Variants in PINX1 observed in about 807,000 individuals in gnomAD.
PINX1 encodes the protein PIN2 (TERF1) interacting telomerase inhibitor 1.
Under a neutral mutation model 25.4 loss-of-function variants are expected in PINX1, and 34 were observed. That is an observed-to-expected ratio of 1.34 (90% CI 1.02 to 1.78). The LOEUF is 1.78. Ranked by LOEUF, PINX1 falls within the 40% of genes most tolerant of loss-of-function variation. The pLI, the probability that PINX1 is intolerant of heterozygous loss-of-function variation, is 0.00. For missense variants in PINX1, 592 were observed against 404.9 expected, an observed-to-expected ratio of 1.46 and a Z score of -3.97; for synonymous variants, 197 against 147.7, an observed-to-expected ratio of 1.33 and a Z score of -2.42.
chr8:10,826,545 A>G (rs533833725), intron 4 of PINX1, among the ~76,000 whole-genome samples: 2 of 152,352 alleles, frequency 1.3e-5, no homozygotes, highest in African/African-American at 4.8e-5. Flanking sequence ...CCTAGACACA[A>G]ATGTTCACAT....
chr8:10,807,645 T>C (rs1360622731), intron 6 of PINX1, among the ~76,000 whole-genome samples: 1 of 152,080 alleles, frequency 6.6e-6, no homozygotes, highest in Admixed American at 6.5e-5. Flanking sequence ...AAATAAGAAC[T>C]GCAACAATGG....
intron 6 of PINX1, among the ~76,000 whole-genome samples, chr8:10,794,836 A>C (rs1253249303): frequency 2.6e-5 from 4 of 152,218 alleles, no homozygotes; most frequent in African/African-American, 7.2e-5. Context: ...TTTTGTTTTT[A>C]GTGACATCAA....
intron 6 of PINX1, among the ~76,000 whole-genome samples, chr8:10,789,797 C>A (rs1044218517): frequency 6.6e-6 from 1 of 152,178 alleles, no homozygotes; most frequent in Non-Finnish European, 1.5e-5. Context: ...CACACACACA[C>A]CTCCACGTGC....
At chr8:10,827,867 C>T (rs958161724) in intron 4 of PINX1, among the ~76,000 whole-genome samples, 14 of 147,686 alleles carry the variant, frequency 9.5e-5, no homozygotes, top group African/African-American at 3.0e-4. Context: ...GCCGAAATCA[C>T]GCCACTGCAC....
chr8:10,834,479 T>C (rs933861384), intron 2 of PINX1, 187 bp downstream of exon 2: 27 of 798,998 alleles, frequency 3.4e-5, no homozygotes, highest in Non-Finnish European at 4.6e-5. Flanking sequence ...GCTTAAATGA[T>C]AGAAAGTTGA....
intron 6 of PINX1, among the ~76,000 whole-genome samples, chr8:10,804,011 CAT>C (rs148754295): frequency 0.23 from 34,441 of 152,080 alleles, 4,034 homozygotes; most frequent in East Asian, 0.33. Flanking sequence ...CCAACGAACT[CAT>C]ATAGTTACCT....
chr8:10,796,587 A>AT (rs1384671972), intron 6 of PINX1, among the ~76,000 whole-genome samples: 2 of 152,168 alleles, frequency 1.3e-5, no homozygotes, highest in African/African-American at 4.8e-5. Flanking sequence ...AAAAGATACA[A>AT]TGTTTAAAAT....
At chr8:10,766,541 G>A (rs963575256) in intron 6 of PINX1, among the ~76,000 whole-genome samples, 3 of 152,198 alleles carry the variant, frequency 2.0e-5, no homozygotes, top group African/African-American at 4.8e-5. Context: ...GAGACTCCGC[G>A]TGTCTCAGCC....
At chr8:10,767,861 G>C (rs1262289340) in intron 6 of PINX1, among the ~76,000 whole-genome samples, 1 of 78,058 alleles carries the variant, frequency 1.3e-5, no homozygotes, top group Non-Finnish European at 2.5e-5. Context: ...CAGGCTCGGT[G>C]ACCAGGCACC....
chr8:10,775,410 GTTTTT>G lies in PINX1; in HGVS notation c.472-9499_472-9495del, dbSNP rs143926728. Among the ~76,000 whole-genome samples the G allele has an allele frequency of 1.6e-3, 174 of 109,606 alleles. 2 individuals carry two copies. The highest frequency in any genetic ancestry group is 7.1e-3 in the Admixed American group (71 of 10,028). The allele number at this position is 109,606 out of a possible 152,430, so 71.9% of individuals were successfully genotyped here. ...AAGGATTAGTTCTGTCTGTTTTGTG[GTTTTT>G]TTTTTTTTTTTTTTTTTTTTTTTTT... On this transcript the variant is annotated intron_variant, in intron 6 of 6. Transcript: ENST00000314787.
chr8:10,807,027 C>T (rs73208766), intron 6 of PINX1, among the ~76,000 whole-genome samples: 24,380 of 152,080 alleles, frequency 0.16, 2,459 homozygotes, highest in Non-Finnish European at 0.23. Flanking sequence ...TTACAGCAGA[C>T]GGCAAAGGAT....
chr8:10,829,979 A>C (rs1166252570), intron 4 of PINX1, among the ~76,000 whole-genome samples: 1 of 152,162 alleles, frequency 6.6e-6, no homozygotes, highest in East Asian at 1.9e-4. Context: ...AGCCAAGCTT[A>C]CATTCTTATC....
chr8:10,809,284 A>C (rs963730977), intron 6 of PINX1, among the ~76,000 whole-genome samples: 2 of 152,210 alleles, frequency 1.3e-5, no homozygotes, highest in African/African-American at 2.4e-5. Context: ...CTACCAATAA[A>C]GAGAAAGAAC....
chr8:10,825,307 C>T, intron 5 of PINX1: 1 of 534,096 alleles, frequency 1.9e-6, no homozygotes. Context: ...ATGTGCTGTT[C>T]CTGGCATATC....
In PINX1 at chr8:10,765,687, C is replaced by G; in HGVS notation, c.701G>C (p.Arg234Thr). The change falls in exon 7 of 7, where the codon AGG becomes ACG. Residue 234 changes from arginine (R) to threonine (T), a missense_variant. By Grantham distance (71) the Arg-to-Thr change is moderately conservative. Coordinates refer to ENST00000314787, the MANE Select transcript of PINX1 (RefSeq NM_017884.6). ...VESYLQPKAKRHTEGKPERAE... is the reference protein window; with the variant it reads ...VESYLQPKAKTHTEGKPERAE... ...CCTCTCGGGCTTTCCCTCCGTGTGC[C>G]TCTTGGCCTTAGGCTGGAGGTAACT... is the stretch of plus-strand genomic sequence containing the variant. The G allele has an allele frequency of 1.2e-6, 2 of 1,614,058 alleles. No homozygotes were observed. The highest frequency in any genetic ancestry group is 1.7e-6 in the Non-Finnish European group (2 of 1,179,904).
chr8:10,835,813 G>T (rs1798388386), intron 1 of PINX1, among the ~76,000 whole-genome samples: 1 of 152,138 alleles, frequency 6.6e-6, no homozygotes, highest in Non-Finnish European at 1.5e-5. Context: ...AAAAAGGAAG[G>T]AAGGAGTATA....
intron 5 of PINX1, among the ~76,000 whole-genome samples, chr8:10,824,409 G>A (rs777344214): frequency 1.2e-4 from 19 of 152,114 alleles, no homozygotes; most frequent in Non-Finnish European, 2.5e-4. Flanking sequence ...TGTCCTTCCC[G>A]TCTCCACTCC....
chr8:10,823,566 ATAAG>A (rs1211357770), intron 5 of PINX1, among the ~76,000 whole-genome samples: 1 of 152,208 alleles, frequency 6.6e-6, no homozygotes, highest in Non-Finnish European at 1.5e-5. Flanking sequence ...GAGCCTTTAA[ATAAG>A]TATGATAAAA....
chr8:10,815,372 A>T (rs1209417603), intron 6 of PINX1, among the ~76,000 whole-genome samples: 1 of 152,180 alleles, frequency 6.6e-6, no homozygotes, highest in Non-Finnish European at 1.5e-5. Context: ...TTTTCTTTTA[A>T]TTTCTATACA....
Sources: allele counts gnomAD v4.1 joint callset (sites outside exome capture counted in the v4.1 genomes callset), GRCh38; gene constraint gnomAD v4.1.1; transcripts MANE v1.5; gene names NCBI Gene and HGNC (gene_info 2026-07-23, HGNC 2026-07-21).